Variants in SYT16 observed in about 807,000 individuals in gnomAD.
SYT16 encodes the protein synaptotagmin-16.
A neutral mutation model predicts 61.4 loss-of-function variants in SYT16; 42 were observed. The observed-to-expected ratio is 0.68, with a 90% CI of 0.53 to 0.89. The LOEUF (loss-of-function observed/expected upper bound fraction) is 0.89, where lower values mean the gene tolerates loss of function less well. Ranked by LOEUF, SYT16 falls within the 40% of genes least tolerant of loss-of-function variation. The probability of loss-of-function intolerance (pLI) is 0.00; values close to 1 mark genes in which losing one functional copy is unlikely to be tolerated. For synonymous variants in SYT16, 314 were observed against 302.3 expected (o/e 1.04, Z -0.40); for missense variants, 804 against 807.3 (o/e 1.00, Z 0.05).
intron 1 of SYT16, among the ~76,000 whole-genome samples, chr14:61,961,138 A>G (rs2051101128): frequency 6.6e-6 from 1 of 152,212 alleles, no homozygotes; most frequent in South Asian, 2.1e-4. Flanking sequence ...TTAAAGACTT[A>G]AATGTAAAAC....
At chr14:61,951,458 C>T (rs527413799) in intron 1 of SYT16, among the ~76,000 whole-genome samples, 1 of 152,302 alleles carries the variant, frequency 6.6e-6, no homozygotes, top group South Asian at 2.1e-4. Flanking sequence ...TTTAGTCTCA[C>T]TGTGTGGGCA....
At chr14:62,035,322 T>C (rs2054466031) in intron 3 of SYT16, among the ~76,000 whole-genome samples, 1 of 152,232 alleles carries the variant, frequency 6.6e-6, no homozygotes, top group Admixed American at 6.5e-5. Context: ...TCTTTCTATT[T>C]GTGCTGTGTA....
At chr14:62,022,784 C>A (rs964668112) in intron 3 of SYT16, among the ~76,000 whole-genome samples, 2 of 152,068 alleles carry the variant, frequency 1.3e-5, no homozygotes, top group Non-Finnish European at 2.9e-5. Context: ...TGGATTATTT[C>A]ACTTAGCAAT....
intron 4 of SYT16, among the ~76,000 whole-genome samples, chr14:62,070,061 T>C (rs1211621003): frequency 3.3e-5 from 5 of 152,212 alleles, no homozygotes; most frequent in African/African-American, 7.2e-5. Context: ...ACCCCTTCCC[T>C]TTCTTTCTTA....
At chr14:61,971,895 T>C (rs1042106749) in intron 2 of SYT16, among the ~76,000 whole-genome samples, 1 of 152,240 alleles carries the variant, frequency 6.6e-6, no homozygotes, top group Admixed American at 6.5e-5. Flanking sequence ...TAGACACTAT[T>C]GTCCCAGCTG....
At chr14:61,877,890 G>T (rs1284881252) in intron 1 of SYT16, among the ~76,000 whole-genome samples, 10 of 152,160 alleles carry the variant, frequency 6.6e-5, no homozygotes, top group Non-Finnish European at 1.5e-4. Flanking sequence ...AAACTGGTAG[G>T]TAGAACCTTA....
intron 2 of SYT16, among the ~76,000 whole-genome samples, chr14:61,995,230 T>C (rs1446504081): frequency 6.6e-6 from 1 of 152,114 alleles, no homozygotes; most frequent in Non-Finnish European, 1.5e-5. Context: ...GTCTGAAAGA[T>C]TGTGGAGAGC....
intron 1 of SYT16, among the ~76,000 whole-genome samples, chr14:61,964,754 C>G (rs1183579532): frequency 6.6e-6 from 1 of 152,082 alleles, no homozygotes; most frequent in Non-Finnish European, 1.5e-5. Context: ...GTTGATGAGG[C>G]AAACTTCATT....
intron 1 of SYT16, chr14:61,865,174 G>T (rs2047107273): frequency 1.7e-6 from 2 of 1,197,486 alleles, no homozygotes; most frequent in Non-Finnish European, 2.5e-6. Flanking sequence ...TGGGCCCAGA[G>T]GATCGTGTTT....
chr14:62,038,644 T>C (rs1262367187), intron 3 of SYT16, among the ~76,000 whole-genome samples: 1 of 152,142 alleles, frequency 6.6e-6, no homozygotes, highest in Non-Finnish European at 1.5e-5. Flanking sequence ...CCCAGCTCTC[T>C]GTCTGGCCTT....
intron 1 of SYT16, among the ~76,000 whole-genome samples, chr14:61,864,601 C>T (rs2140294171): frequency 6.6e-6 from 1 of 152,388 alleles, no homozygotes. Context: ...AAGGCCGCTT[C>T]GGCCGCCGCC....
intron 1 of SYT16, among the ~76,000 whole-genome samples, chr14:61,887,679 A>G (rs569763807): frequency 1.4e-4 from 21 of 152,310 alleles, no homozygotes; most frequent in African/African-American, 4.8e-4. Context: ...CTTAAACCTC[A>G]TGAACCAACC....
At chr14:61,934,736 C>T (rs2049908854) in intron 1 of SYT16, among the ~76,000 whole-genome samples, 1 of 152,164 alleles carries the variant, frequency 6.6e-6, no homozygotes, top group African/African-American at 2.4e-5. Context: ...TGTTTCCTTA[C>T]CTGCAAAGTG....
chr14:62,015,220 G>C (rs2053622339), intron 3 of SYT16, among the ~76,000 whole-genome samples: 1 of 151,990 alleles, frequency 6.6e-6, no homozygotes, highest in African/African-American at 2.4e-5. Flanking sequence ...GACTCTTTGA[G>C]GGGTTTATGC....
At chr14:62,048,780 A>G (rs2055124036) in intron 3 of SYT16, among the ~76,000 whole-genome samples, 4 of 152,022 alleles carry the variant, frequency 2.6e-5, no homozygotes, top group African/African-American at 7.2e-5. Flanking sequence ...CGTGTATTTG[A>G]GGGGTTTTGA....
chr14:62,077,421 C>T (rs1287666556), intron 5 of SYT16, among the ~76,000 whole-genome samples: 5 of 152,204 alleles, frequency 3.3e-5, no homozygotes, highest in Admixed American at 6.5e-5. Flanking sequence ...TGGCGAAGGC[C>T]TTTGGCTTTT....
At chr14:61,874,005 A>C (rs2047410185) in intron 1 of SYT16, among the ~76,000 whole-genome samples, 1 of 152,220 alleles carries the variant, frequency 6.6e-6, no homozygotes, top group Non-Finnish European at 1.5e-5. Context: ...CAGAATAATT[A>C]ATACTCAGAA....
intron 1 of SYT16, among the ~76,000 whole-genome samples, chr14:61,872,756 G>T (rs563655635): frequency 6.6e-6 from 1 of 152,280 alleles, no homozygotes; most frequent in Non-Finnish European, 1.5e-5. Context: ...ACAGACGTTG[G>T]TTCAGCTGCC....
At chr14:62,059,671 A>ATATATATAATT in intron 3 of SYT16, among the ~76,000 whole-genome samples, 1 of 143,910 alleles carries the variant, frequency 6.9e-6, no homozygotes, top group Admixed American at 6.8e-5. Context: ...TAATTGATAC[A>ATATATATAATT]TATATATAAT....
Sources: gnomAD v4.1 joint callset for allele counts (sites outside exome capture counted in the v4.1 genomes callset) on GRCh38, gnomAD v4.1.1 for gene constraint, MANE v1.5 for transcripts, NCBI Gene and HGNC (gene_info 2026-07-23, HGNC 2026-07-21) for gene names.